Variants in CHL1 observed in about 807,000 individuals in gnomAD.
CHL1 encodes the protein cell adhesion molecule L1 like.
Under a neutral mutation model 141.9 loss-of-function variants are expected in CHL1, and 96 were observed. The ratio of observed to expected loss-of-function variants is 0.68; its 90% confidence interval spans 0.57 to 0.80. CHL1 has a LOEUF of 0.80. Ranked by LOEUF, CHL1 falls within the 30% of genes least tolerant of loss-of-function variation. The pLI, the probability that CHL1 is intolerant of heterozygous loss-of-function variation, is 0.00. For synonymous variants in CHL1, 613 were observed against 502.2 expected (o/e 1.22, Z -2.95); for missense variants, 1,820 against 1,457.2 (o/e 1.25, Z -4.05).
At chr3:323,864 C>G (rs1700794972) in intron 3 of CHL1, among the ~76,000 whole-genome samples, 1 of 151,960 alleles carries the variant, frequency 6.6e-6, no homozygotes. Context: ...GACCCTGACT[C>G]AAAGAATTAA....
rs1282914250 is a variant in CHL1 at position 406,236 on chromosome 3, A to G, written c.*525A>G. Reference sequence around the variant, plus strand: ...TATACAGTCTAAATTTATTATTTAAATTTTACTAGCAAAAGTCTTAGGTGA... The same window carrying G: ...TATACAGTCTAAATTTATTATTTAAGTTTTACTAGCAAAAGTCTTAGGTGA... On this transcript the variant is annotated 3_prime_UTR_variant, in exon 28 of 28. Transcript: ENST00000256509. 6.6e-6 allele frequency: 1 copy of G among 152,344 alleles called. No homozygotes were observed. Among genetic ancestry groups the G allele is most frequent in the Non-Finnish European group, 1.5e-5 (1 of 68,188 alleles). 9.4% of individuals were successfully genotyped at this position (152,344 alleles called of 1,614,324 possible). A position where few individuals can be genotyped will look rare whatever the true frequency, so the allele number is the denominator to read the frequency against.
chr3:385,056 C>A (rs991311794), intron 19 of CHL1, among the ~76,000 whole-genome samples: 4 of 152,062 alleles, frequency 2.6e-5, no homozygotes, highest in Non-Finnish European at 5.9e-5. Context: ...AATATTATTT[C>A]TTTCCTTGAA....
rs1692500993 is a variant in CHL1 at position 240,939 on chromosome 3, CT to C, written c.-174-3673del. 3.3e-5 allele frequency among the ~76,000 whole-genome samples: 5 copies of C among 152,274 alleles called. No individual in the cohort carries two copies. The South Asian group carries it at 1.0e-3, about 32-fold the overall frequency. ...TGGGTTTATTTCTGGGTTCTCTATTCTGTTCCATTGGTCTATGTGCCTAGTT... is the reference window on the plus strand; with the variant it reads ...TGGGTTTATTTCTGGGTTCTCTATTCGTTCCATTGGTCTATGTGCCTAGTT... On this transcript the variant is annotated intron_variant, in intron 1 of 27. Transcript: ENST00000256509.
At chr3:230,184 G>A (rs904896971) in intron 1 of CHL1, among the ~76,000 whole-genome samples, 3 of 152,172 alleles carry the variant, frequency 2.0e-5, no homozygotes, top group South Asian at 2.1e-4. Flanking sequence ...TAAATTCTGA[G>A]CATTCAGTAC....
intron 20 of CHL1, among the ~76,000 whole-genome samples, chr3:390,210 T>C (rs1485759062): frequency 6.6e-6 from 1 of 152,212 alleles, no homozygotes; most frequent in African/African-American, 2.4e-5. Flanking sequence ...CCTTGACTGC[T>C]CTGTATTTGG....
rs1305980492 is a variant in CHL1 at position 405,948 on chromosome 3, A to G, written c.*237A>G. 4.6e-6 allele frequency: 2 copies of G among 437,838 alleles called. No individual in the cohort carries two copies. Among genetic ancestry groups the G allele is most frequent in the Non-Finnish European group, 8.4e-6 (2 of 239,456 alleles). The allele number at this position is 437,838 out of a possible 1,614,324, so 27.1% of individuals were successfully genotyped here. A position where few individuals can be genotyped will look rare whatever the true frequency, so the allele number is the denominator to read the frequency against. On this transcript the variant is annotated 3_prime_UTR_variant, in exon 28 of 28. Coordinates refer to ENST00000256509, the MANE Select transcript of CHL1 (RefSeq NM_006614.4). Reference sequence around the variant, plus strand: ...TCAGGTGCTCAAAATGCAAAACACAAAACAAATCCTGCATTTAGATACACC... The same window carrying G: ...TCAGGTGCTCAAAATGCAAAACACAGAACAAATCCTGCATTTAGATACACC...
At chr3:255,055 C>CT (rs1694031620) in intron 2 of CHL1, among the ~76,000 whole-genome samples, 1 of 152,086 alleles carries the variant, frequency 6.6e-6, no homozygotes, top group Non-Finnish European at 1.5e-5. Context: ...TTTTGGGGCC[C>CT]GTTTTTGCTG....
intron 2 of CHL1, among the ~76,000 whole-genome samples, chr3:268,675 T>C (rs1695374273): frequency 6.6e-6 from 1 of 152,218 alleles, no homozygotes; most frequent in African/African-American, 2.4e-5. Flanking sequence ...GCACATGCCA[T>C]AAATATATCT....
chr3:240,229 C>T (rs1005710854), intron 1 of CHL1, among the ~76,000 whole-genome samples: 14 of 152,168 alleles, frequency 9.2e-5, no homozygotes, highest in Non-Finnish European at 7.3e-5. Context: ...GAAGTGCTCC[C>T]TTTCCATTGC....
chr3:403,563 CACAA>C lies in CHL1; in HGVS notation c.3458+1878_3458+1881del, dbSNP rs759778148. 2.2e-4 allele frequency among the ~76,000 whole-genome samples: 34 copies of C among 152,048 alleles called. No homozygotes were observed. In the South Asian group the frequency reaches 2.7e-3, roughly 12 times the overall value. ...CTCCATCTCAACAACAAAACAAAAA[CACAA>C]ACAAACAAACAAGCAAAAAAAAATT... On this transcript the variant is annotated intron_variant, in intron 27 of 27. Coordinates refer to ENST00000256509, the MANE Select transcript of CHL1 (RefSeq NM_006614.4).
intron 23 of CHL1, 73 bp from the exon 24 acceptor site, chr3:394,619 GA>G (rs1405072834): frequency 9.3e-7 from 1 of 1,071,456 alleles, no homozygotes; most frequent in African/African-American, 1.6e-5. Flanking sequence ...AGCATAAGGA[GA>G]AATGAAAATA....
At chr3:233,221 C>G (rs1433950269) in intron 1 of CHL1, among the ~76,000 whole-genome samples, 1 of 152,120 alleles carries the variant, frequency 6.6e-6, no homozygotes, top group African/African-American at 2.4e-5. Flanking sequence ...TCTGTGCGAT[C>G]CAACTTTTCA....
chr3:302,917 G>C (rs1429012062), intron 2 of CHL1, among the ~76,000 whole-genome samples: 1 of 152,116 alleles, frequency 6.6e-6, no homozygotes, highest in Non-Finnish European at 1.5e-5. Context: ...GTTGATTTTT[G>C]TGTAAGGTGT....
intron 1 of CHL1, among the ~76,000 whole-genome samples, chr3:205,270 C>T (rs1699323768): frequency 6.6e-6 from 1 of 152,006 alleles, no homozygotes; most frequent in Non-Finnish European, 1.5e-5. Flanking sequence ...ACCATCATGT[C>T]TGGCTAATTT....
At chr3:358,693 G>C (rs1012589344) in intron 11 of CHL1, among the ~76,000 whole-genome samples, 1 of 151,986 alleles carries the variant, frequency 6.6e-6, no homozygotes, top group Admixed American at 6.6e-5. Context: ...CCCTTAGAGA[G>C]CTCACAGTCA....
intron 25 of CHL1, 92 bp downstream of exon 25, chr3:398,477 A>T: frequency 1.5e-6 from 1 of 646,206 alleles, no homozygotes; most frequent in Non-Finnish European, 2.5e-6. Flanking sequence ...AAACATAAAA[A>T]CACTGAGTGT....
intron 2 of CHL1, among the ~76,000 whole-genome samples, chr3:263,983 C>G: frequency 6.6e-6 from 1 of 152,196 alleles, no homozygotes; most frequent in East Asian, 1.9e-4. Context: ...TTATCTAAGA[C>G]GGATAGTATT....
intron 2 of CHL1, among the ~76,000 whole-genome samples, chr3:263,296 T>A (rs557538502): frequency 1.8e-4 from 28 of 152,228 alleles, no homozygotes. Context: ...TATAGGTACA[T>A]TAAGAGTTGC....
intron 19 of CHL1, among the ~76,000 whole-genome samples, chr3:386,884 A>G (rs1007544054): frequency 6.6e-6 from 1 of 152,148 alleles, no homozygotes; most frequent in African/African-American, 2.4e-5. Flanking sequence ...TTGTTGAGAG[A>G]CTAGGTTTTA....
Sources: gnomAD v4.1 joint callset for allele counts (sites outside exome capture counted in the v4.1 genomes callset) on GRCh38, gnomAD v4.1.1 for gene constraint, MANE v1.5 for transcripts, NCBI Gene and HGNC (gene_info 2026-07-23, HGNC 2026-07-21) for gene names.